The following CSMD3 variants were observed in gnomAD, a reference collection of about 807,000 sequenced individuals.
CSMD3 encodes CUB and Sushi multiple domains 3, also known as CUB and sushi domain-containing protein 3.
CSMD3 carries 177 observed loss-of-function variants against 435.2 expected under a neutral mutation model. That is an observed-to-expected ratio of 0.41 (90% CI 0.36 to 0.46). The LOEUF is 0.46. Among genes scored for constraint, CSMD3 ranks in the 20% least tolerant of loss-of-function variants. The pLI is 0.34. For missense variants in CSMD3, 4,265 were observed against 4,504.6 expected (o/e 0.95, Z 1.52); for synonymous variants, 1,656 against 1,520.5 (o/e 1.09, Z -2.07).
At chr8:113,322,057 A>T (rs2093952870) in intron 1 of CSMD3, among the ~76,000 whole-genome samples, 1 of 152,190 alleles carries the variant, frequency 6.6e-6, no homozygotes, top group Non-Finnish European at 1.5e-5. Context: ...ATACATGAAA[A>T]ATTTAATAAT....
intron 9 of CSMD3, among the ~76,000 whole-genome samples, chr8:112,945,216 T>C (rs1480998396): frequency 6.6e-6 from 1 of 151,748 alleles, no homozygotes; most frequent in Non-Finnish European, 1.5e-5. Flanking sequence ...CATGGGATAT[T>C]AAGGCTTTTA....
At chr8:113,028,722 C>T (rs1034474194) in intron 5 of CSMD3, among the ~76,000 whole-genome samples, 1 of 151,350 alleles carries the variant, frequency 6.6e-6, no homozygotes, top group African/African-American at 2.4e-5. Flanking sequence ...TAACTTTATT[C>T]AATTCCATGA....
intron 24 of CSMD3, among the ~76,000 whole-genome samples, chr8:112,572,263 A>G (rs16883836): frequency 0.4 from 60,933 of 151,822 alleles, 13,208 homozygotes; most frequent in East Asian, 0.58. Flanking sequence ...TTGTACACAC[A>G]GTTCTGAGAA....
rs1563904025 is a variant in CSMD3, at chr8:112,405,208, A to AC, written c.5809+1315_5809+1316insG. ...CAAAAAAAAAAAAAAAAAAAAAAAA[A>AC]ACCCCCATATATATATATATATATA... On this transcript the variant is annotated intron_variant, in intron 35 of 70. Coordinates refer to ENST00000297405, the MANE Select transcript of CSMD3 (RefSeq NM_198123.2). Among the ~76,000 whole-genome samples, 71 of 24,830 alleles carry AC rather than the reference A, an allele frequency of 2.9e-3. 11 individuals are homozygous for AC. Among genetic ancestry groups the AC allele is most frequent in the African/African-American group, 3.5e-3 (21 of 5,976 alleles). The allele number at this position is 24,830 out of a possible 152,430, so 16.3% of individuals were successfully genotyped here.
intron 13 of CSMD3, among the ~76,000 whole-genome samples, chr8:112,749,767 A>T (rs1245903193): frequency 2.6e-5 from 4 of 152,082 alleles, no homozygotes; most frequent in African/African-American, 4.8e-5. Flanking sequence ...TTTGATCCAA[A>T]TATGAGGACG....
At chr8:112,529,155 A>G (rs1456485229) in intron 27 of CSMD3, among the ~76,000 whole-genome samples, 1 of 152,052 alleles carries the variant, frequency 6.6e-6, no homozygotes, top group African/African-American at 2.4e-5. Context: ...CAATGCCCCA[A>G]CTTTGCCGGG....
At position 112,730,923 on chromosome 8, in the gene CSMD3, C is replaced by T. The variant is rs2194600; in HGVS notation, c.1973-40873G>A. Among the ~76,000 whole-genome samples, 317 of 152,112 alleles carry T rather than the reference C, an allele frequency of 2.1e-3. 1 individual carries two copies. The highest frequency in any genetic ancestry group is 7.3e-3 in the African/African-American group (305 of 41,506). ...GTGCTCTTGAAACCACACGGGAGAACGTACCTAAGAGTGTCATGATGCTAA... is the reference window on the plus strand; with the variant it reads ...GTGCTCTTGAAACCACACGGGAGAATGTACCTAAGAGTGTCATGATGCTAA... On this transcript the variant is annotated intron_variant, in intron 13 of 70. Coordinates refer to ENST00000297405, the MANE Select transcript of CSMD3 (RefSeq NM_198123.2).
Position 112,318,855 on chromosome 8 carries a change from C to G in CSMD3, c.7342G>C (p.Ala2448Pro), listed in dbSNP as rs1822722296. ...TGAATACCTTGACAAACTGGAGGTG[C>G]TCCATCCATCTGCAGTCGTTCTCCT... ...RLGERLQMDG[A>P]PPVCQVLCPA... Residue 2448 changes from alanine (A) to proline (P), a missense_variant, in exon 47 of 71, where the codon GCA becomes CCA. Ala to Pro is a conservative substitution (Grantham distance 27, BLOSUM62 -1). Around this residue, in one of 3 missense-constraint regions of CSMD3, gnomAD observed 3,255 missense variants for 3,380.2 expected, o/e 0.96. Coordinates refer to ENST00000297405, the MANE Select transcript of CSMD3 (RefSeq NM_198123.2). 1 of 1,610,194 alleles carries G rather than the reference C, an allele frequency of 6.2e-7. No individual in the cohort carries two copies.
At chr8:112,441,016 T>C (rs1814951479) in intron 32 of CSMD3, among the ~76,000 whole-genome samples, 1 of 152,234 alleles carries the variant, frequency 6.6e-6, no homozygotes, top group Non-Finnish European at 1.5e-5. Context: ...TTTCTTTAGC[T>C]GGCTTGAATT....
intron 11 of CSMD3, among the ~76,000 whole-genome samples, chr8:112,842,330 T>A (rs1346751171): frequency 6.6e-6 from 1 of 151,860 alleles, no homozygotes; most frequent in Non-Finnish European, 1.5e-5. Context: ...AAGCATCTGC[T>A]GATGGTTTCC....
rs78429365 is a variant in CSMD3 at position 112,557,893 on chromosome 8, G to A, written c.4043-939C>T. ...TATGGGAAACCCCAATTTATAGCTC[G>A]TCAGTCAGAAATACAAGAGGCCTAG... On this transcript the variant is annotated intron_variant, in intron 24 of 70. Coordinates refer to ENST00000297405, the MANE Select transcript of CSMD3 (RefSeq NM_198123.2). 4.2e-3 allele frequency among the ~76,000 whole-genome samples: 644 copies of A among 152,048 alleles called. 4 individuals are homozygous for A. The highest frequency in any genetic ancestry group is 0.018 in the East Asian group (93 of 5,148).
At chr8:112,464,359 T>G (rs912053790) in intron 32 of CSMD3, among the ~76,000 whole-genome samples, 1 of 152,042 alleles carries the variant, frequency 6.6e-6, no homozygotes, top group Non-Finnish European at 1.5e-5. Context: ...GAACAACTGA[T>G]GAGTTGATGA....
rs866765736 is a variant in CSMD3, at chr8:112,831,336, T to C, written c.1756-1547A>G. ...TCCCATTTTCTTTCTTTTTTTTTTT[T>C]TTGGCTACTATAAGCAACATGGTCA... On this transcript the variant is annotated intron_variant, in intron 11 of 70. Coordinates refer to ENST00000297405, the MANE Select transcript of CSMD3 (RefSeq NM_198123.2). Among the ~76,000 whole-genome samples the C allele has an allele frequency of 3.0e-4, 45 of 151,852 alleles. No homozygotes were observed. The South Asian group carries it at 9.4e-3, about 32-fold the overall frequency.
At position 112,287,110 on chromosome 8, in the gene CSMD3, T is replaced by C; in HGVS notation, c.9285A>G (p.Thr3095=). The C allele has an allele frequency of 6.2e-7, 1 of 1,613,782 alleles. No homozygotes were observed. Among genetic ancestry groups the C allele is most frequent in the Admixed American group, 1.7e-5 (1 of 59,906 alleles). Reference sequence around the variant, plus strand: ...CGGTCCAACTGCCATTAGCTAAACATGTTCTTTCTTCTGAGCCATGAAGGA... The same window carrying C: ...CGGTCCAACTGCCATTAGCTAAACACGTTCTTTCTTCTGAGCCATGAAGGA... ...GYILHGSEER[T]CLANGSWTGR... Residue 3095 remains threonine (T), a synonymous_variant, in exon 58 of 71, where the codon ACA becomes ACG. Coordinates refer to ENST00000297405, the MANE Select transcript of CSMD3 (RefSeq NM_198123.2).
intron 3 of CSMD3, among the ~76,000 whole-genome samples, chr8:113,267,135 T>C (rs1179481401): frequency 2.6e-5 from 4 of 151,728 alleles, no homozygotes; most frequent in Non-Finnish European, 4.4e-5. Context: ...TGGGAACTCT[T>C]ATACGCTGTT....
intron 12 of CSMD3, among the ~76,000 whole-genome samples, chr8:112,806,407 G>T (rs2079086629): frequency 6.6e-6 from 1 of 152,118 alleles, no homozygotes; most frequent in African/African-American, 2.4e-5. Context: ...AAGATTCTGT[G>T]GAAGTAGCAT....
At chr8:113,429,231 A>C (rs2130050450) in intron 1 of CSMD3, among the ~76,000 whole-genome samples, 1 of 141,544 alleles carries the variant, frequency 7.1e-6, no homozygotes, top group South Asian at 2.4e-4. Context: ...AATTTTGAAT[A>C]ATTGTCTTAT....
chr8:112,918,113 AAAT>A (rs895047664), intron 10 of CSMD3, among the ~76,000 whole-genome samples: 35 of 152,096 alleles, frequency 2.3e-4, no homozygotes, highest in Admixed American at 6.6e-4. Context: ...AATCAATACA[AAAT>A]AATAAAAATA....
intron 3 of CSMD3, among the ~76,000 whole-genome samples, chr8:113,255,806 TATA>T (rs2093375110): frequency 6.6e-6 from 1 of 151,828 alleles, no homozygotes; most frequent in African/African-American, 2.4e-5. Context: ...GTGTATTTCC[TATA>T]ATATTTAACT....
Sources: allele counts gnomAD v4.1 joint callset (sites outside exome capture counted in the v4.1 genomes callset), GRCh38; gene constraint gnomAD v4.1.1; regional missense constraint gnomAD v4.1.1; transcripts MANE v1.5; gene names NCBI Gene and HGNC (gene_info 2026-07-23, HGNC 2026-07-21).